RNF150: variants seen among roughly 807,000 people sequenced by gnomAD.
RNF150 encodes ring finger protein 150.
RNF150 carries 24 observed loss-of-function variants against 39.3 expected under a neutral mutation model. The ratio of observed to expected loss-of-function variants is 0.61; its 90% confidence interval spans 0.44 to 0.86. The LOEUF (loss-of-function observed/expected upper bound fraction) is 0.86, where lower values mean the gene tolerates loss of function less well. Ranked by LOEUF, RNF150 falls within the 40% of genes least tolerant of loss-of-function variation. The pLI, the probability that RNF150 is intolerant of heterozygous loss-of-function variation, is 0.00. For synonymous variants in RNF150, 255 were observed against 227.3 expected, an observed-to-expected ratio of 1.12 and a Z score of -1.10; for missense variants, 502 against 587.8, an observed-to-expected ratio of 0.85 and a Z score of 1.51.
chr4:140,874,255 TA>T (rs1729061124), intron 6 of RNF150, among the ~76,000 whole-genome samples: 1 of 152,164 alleles, frequency 6.6e-6, no homozygotes, highest in Non-Finnish European at 1.5e-5. Flanking sequence ...TGATTGTCGA[TA>T]ACAGTGGGCC....
intron 1 of RNF150, 127 bp from the exon 2 acceptor site, chr4:140,968,000 G>C (rs1317333185): frequency 2.5e-6 from 2 of 792,574 alleles, no homozygotes; most frequent in Non-Finnish European, 4.0e-6. Flanking sequence ...TTCTGTGCTG[G>C]GCTAAGAAGA....
intron 1 of RNF150, among the ~76,000 whole-genome samples, chr4:141,010,898 C>A (rs73858480): frequency 0.076 from 11,528 of 152,118 alleles, 489 homozygotes; most frequent in Middle Eastern, 0.16. Context: ...ATGGGTGTAG[C>A]TTGAAGAAGA....
In RNF150 at chr4:140,917,317, T is replaced by C. The variant is rs557334399; in HGVS notation, c.988-5963A>G. On this transcript the variant is annotated intron_variant, in intron 5 of 6. Coordinates refer to ENST00000515673, the MANE Select transcript of RNF150 (RefSeq NM_020724.2). ...CCCATTTCATGTGCAGAGACACACA[T>C]AGGCTCAAAATAAAGGGATGGAGGA... Among the ~76,000 whole-genome samples, 7 of 152,184 alleles carry C rather than the reference T, an allele frequency of 4.6e-5. No homozygotes were observed. The East Asian group carries it at 1.4e-3, about 29-fold the overall frequency.
At chr4:141,061,241 G>A (rs4361465) in intron 1 of RNF150, among the ~76,000 whole-genome samples, 78,065 of 151,970 alleles carry the variant, frequency 0.51, 20,703 homozygotes, top group Non-Finnish European at 0.6. Context: ...ATTCGCAGAA[G>A]ATTCCATGCA....
intron 1 of RNF150, among the ~76,000 whole-genome samples, chr4:141,196,158 A>T (rs1728197503): frequency 6.6e-6 from 1 of 152,186 alleles, no homozygotes; most frequent in Admixed American, 6.5e-5. Context: ...TTTGATGTAC[A>T]CAAAATAAAG....
chr4:140,893,700 A>T (rs980683283), intron 6 of RNF150, among the ~76,000 whole-genome samples: 2 of 152,188 alleles, frequency 1.3e-5, no homozygotes, highest in Non-Finnish European at 2.9e-5. Flanking sequence ...GGGTGTGAAT[A>T]AGCCAGTTGT....
At chr4:141,123,600 G>A (rs1373375379) in intron 1 of RNF150, among the ~76,000 whole-genome samples, 1 of 152,048 alleles carries the variant, frequency 6.6e-6, no homozygotes, top group Non-Finnish European at 1.5e-5. Context: ...TGTGCACAAC[G>A]TACAGGTTTG....
At position 141,039,003 on chromosome 4, in the gene RNF150, G is replaced by A. The variant is rs191486857; in HGVS notation, c.485-71130C>T. Reference sequence around the variant, plus strand: ...CTGATAGACTGAGGTTAAGGTAACCGCCTGTCAGTAGTAACCAAGCATTCC... The same window carrying A: ...CTGATAGACTGAGGTTAAGGTAACCACCTGTCAGTAGTAACCAAGCATTCC... On this transcript the variant is annotated intron_variant, in intron 1 of 6. Coordinates refer to ENST00000515673, the MANE Select transcript of RNF150 (RefSeq NM_020724.2). Among the ~76,000 whole-genome samples the A allele has an allele frequency of 2.5e-3, 376 of 152,224 alleles. 2 individuals carry two copies. Among genetic ancestry groups the A allele is most frequent in the African/African-American group, 8.8e-3 (367 of 41,542 alleles).
chr4:141,202,320 T>C lies in RNF150; in HGVS notation c.-6+10474A>G, dbSNP rs560608072. Among the ~76,000 whole-genome samples the C allele has an allele frequency of 4.6e-5, 7 of 152,240 alleles. No individual in the cohort carries two copies. In the East Asian group the frequency reaches 9.7e-4, roughly 21 times the overall value. On this transcript the variant is annotated intron_variant, in intron 1 of 7. Transcript: ENST00000420921. ...AATGAAATCAGGGGAGCAAGTTTCT[T>C]TATTTAGGAAGAGAGCTAGGAGAAC...
At chr4:141,014,226 TTATC>T (rs1735178895) in intron 1 of RNF150, among the ~76,000 whole-genome samples, 1 of 152,226 alleles carries the variant, frequency 6.6e-6, no homozygotes, top group Non-Finnish European at 1.5e-5. Context: ...AATATTTTCT[TTATC>T]CATTCAACAG....
At chr4:140,957,830 C>T (rs1297655065) in intron 2 of RNF150, among the ~76,000 whole-genome samples, 8 of 148,086 alleles carry the variant, frequency 5.4e-5, no homozygotes, top group African/African-American at 1.5e-4. Context: ...TATTCTCTCT[C>T]ATAGGTGGGA....
At chr4:140,886,424 T>G (rs1420530988) in intron 6 of RNF150, among the ~76,000 whole-genome samples, 1 of 152,108 alleles carries the variant, frequency 6.6e-6, no homozygotes, top group African/African-American at 2.4e-5. Flanking sequence ...ACTAGTGACA[T>G]AAGGCAGGTC....
At chr4:141,038,959 GC>G (rs1382092667) in intron 1 of RNF150, among the ~76,000 whole-genome samples, 1 of 152,080 alleles carries the variant, frequency 6.6e-6, no homozygotes, top group Admixed American at 6.6e-5. Flanking sequence ...CTGGGTGGTA[GC>G]CCGAAGGTCT....
intron 6 of RNF150, among the ~76,000 whole-genome samples, chr4:140,893,358 G>A (rs1314418201): frequency 6.6e-6 from 1 of 152,162 alleles, no homozygotes. Flanking sequence ...AAAATCTGAA[G>A]ATATCATGTT....
At chr4:141,062,101 A>G (rs1213784141) in intron 1 of RNF150, among the ~76,000 whole-genome samples, 1 of 152,164 alleles carries the variant, frequency 6.6e-6, no homozygotes, top group African/African-American at 2.4e-5. Context: ...ACACACTTTC[A>G]TACTACAGCA....
At chr4:141,095,830 G>A (rs867164702) in intron 1 of RNF150, among the ~76,000 whole-genome samples, 2 of 152,130 alleles carry the variant, frequency 1.3e-5, no homozygotes, top group Admixed American at 6.5e-5. Flanking sequence ...GGAATCCAGG[G>A]GTTGCTAATG....
At chr4:141,150,977 G>C (rs982484287) in intron 1 of RNF150, among the ~76,000 whole-genome samples, 1 of 152,070 alleles carries the variant, frequency 6.6e-6, no homozygotes, top group African/African-American at 2.4e-5. Flanking sequence ...ACCCAGGGAG[G>C]CTGGAGTGTC....
chr4:141,097,275 A>G (rs547318488), intron 1 of RNF150, among the ~76,000 whole-genome samples: 7 of 152,274 alleles, frequency 4.6e-5, no homozygotes, highest in African/African-American at 1.7e-4. Flanking sequence ...CTAGGTCCTG[A>G]CAGCTGTTGA....
intron 1 of RNF150, among the ~76,000 whole-genome samples, chr4:141,055,996 T>C (rs1736951478): frequency 1.3e-5 from 2 of 152,194 alleles, no homozygotes; most frequent in Admixed American, 6.5e-5. Context: ...GGTATTAACA[T>C]GCCAGAGCAG....
Sources: gnomAD v4.1 joint callset for allele counts (sites outside exome capture counted in the v4.1 genomes callset) on GRCh38, gnomAD v4.1.1 for gene constraint, MANE v1.5 for transcripts, NCBI Gene and HGNC (gene_info 2026-07-23, HGNC 2026-07-21) for gene names.